Variants in LRRC2 observed in about 807,000 individuals in gnomAD.
The protein encoded by LRRC2 is leucine-rich repeat-containing protein 2.
A neutral mutation model predicts 40.2 loss-of-function variants in LRRC2; 27 were observed. The ratio of observed to expected loss-of-function variants is 0.67; its 90% CI spans 0.49 to 0.93. The LOEUF is 0.93. LRRC2 is among the 40% of genes least tolerant of loss of function. The pLI is 0.00. For missense variants in LRRC2, 402 were observed against 439.6 expected, an observed-to-expected ratio of 0.91 and a Z score of 0.76; for synonymous variants, 147 against 158.9, an observed-to-expected ratio of 0.92 and a Z score of 0.56.
At chr3:46,551,675 T>G (rs372469338) in intron 1 of LRRC2, 65 bp from the exon 2 acceptor site, 2 of 1,243,586 alleles carry the variant, frequency 1.6e-6, no homozygotes. Context: ...TAACATAAAC[T>G]TTAAAATGAA....
At position 46,526,056 on chromosome 3, in the gene LRRC2, G is replaced by A. The variant is rs1183992881; in HGVS notation, c.929+1370C>T. 9.9e-5 allele frequency among the ~76,000 whole-genome samples: 15 copies of A among 151,838 alleles called. No homozygotes were observed. In the South Asian group the frequency reaches 1.9e-3, roughly 19 times the overall value. On this transcript the variant is annotated intron_variant, in intron 7 of 8. Transcript: ENST00000395905. ...CAAATTCCGCCTCCCGGTTTCAAGC[G>A]ATTCTCCTGCCTCAGCCTCCTGAGT...
At chr3:46,523,894 G>T (rs779718244) in intron 7 of LRRC2, among the ~76,000 whole-genome samples, 38 of 152,090 alleles carry the variant, frequency 2.5e-4, no homozygotes, top group Non-Finnish European at 3.8e-4. Flanking sequence ...CATTTTTTTT[G>T]ATGTATCTCA....
chr3:46,540,709 C>G (rs1704368191), intron 3 of LRRC2, among the ~76,000 whole-genome samples: 3 of 152,172 alleles, frequency 2.0e-5, no homozygotes, highest in Admixed American at 2.0e-4. Flanking sequence ...GAGCACAGAG[C>G]ATTAAACCAA....
In LRRC2 at chr3:46,529,932, A is replaced by G; in HGVS notation, c.746T>C (p.Leu249Pro). ...LQWLDISSNN[L>P]TDLPQDIDRL... is the part of the protein sequence containing the mutation. ...GTCTATATCTTGCGGCAGGTCGGTCAGGTTATTGCTGCTGATATCCAACCA... is the reference window on the plus strand; with the variant it reads ...GTCTATATCTTGCGGCAGGTCGGTCGGGTTATTGCTGCTGATATCCAACCA... Residue 249 changes from leucine (L) to proline (P), a missense_variant, in exon 6 of 9, where the codon CTG (leucine) becomes CCG (proline). Transcript: ENST00000395905. The G allele has an allele frequency of 1.2e-6, 2 of 1,614,110 alleles. No homozygotes were observed. Among genetic ancestry groups the G allele is most frequent in the Non-Finnish European group, 8.5e-7 (1 of 1,180,018 alleles).
At chr3:46,529,682 A>G (rs559389809) in intron 6 of LRRC2, among the ~76,000 whole-genome samples, 2 of 152,238 alleles carry the variant, frequency 1.3e-5, no homozygotes, top group African/African-American at 2.4e-5. Flanking sequence ...TCATCAGGAC[A>G]ATGAAGAGGT....
In LRRC2 at chr3:46,563,846, G is replaced by A. The variant is rs1705000794; in HGVS notation, c.-20+2331C>T. 3.3e-5 allele frequency among the ~76,000 whole-genome samples: 5 copies of A among 152,140 alleles called. No homozygotes were observed. The South Asian group carries it at 1.0e-3, about 32-fold the overall frequency. ...ACTGGTGGGGCCTCTCCATCACCTT[G>A]TCCAAGCCCCTGCAGACAGAGGTGT... On this transcript the variant is annotated intron_variant, in intron 1 of 8. Coordinates refer to ENST00000395905, the MANE Select transcript of LRRC2 (RefSeq NM_024512.5).
chr3:46,526,185 G>A (rs1281365418), intron 7 of LRRC2, among the ~76,000 whole-genome samples: 1 of 152,010 alleles, frequency 6.6e-6, no homozygotes, highest in Admixed American at 6.6e-5. Flanking sequence ...AACTTCTACA[G>A]GTTATTTCTA....
chr3:46,538,080 G>A (rs577615301), intron 4 of LRRC2, among the ~76,000 whole-genome samples: 6 of 152,284 alleles, frequency 3.9e-5, no homozygotes, highest in African/African-American at 1.4e-4. Flanking sequence ...TTGTAGTCTT[G>A]ACACAGCCAG....
chr3:46,533,701 GT>G (rs1163715292), intron 4 of LRRC2, among the ~76,000 whole-genome samples: 2 of 113,356 alleles, frequency 1.8e-5, no homozygotes, highest in African/African-American at 6.9e-5. Flanking sequence ...GGTATTCACA[GT>G]TTCCTTCCTT....
intron 4 of LRRC2, among the ~76,000 whole-genome samples, chr3:46,538,838 G>C (rs1372635289): frequency 6.6e-6 from 1 of 152,188 alleles, no homozygotes; most frequent in Non-Finnish European, 1.5e-5. Context: ...TGTCCTGTGT[G>C]CTGAGTTATA....
At position 46,516,123 on chromosome 3, in the gene LRRC2, A is replaced by C. The variant is rs1393378665; in HGVS notation, c.*2891T>G. 4 of 151,552 alleles carry C rather than the reference A, an allele frequency of 2.6e-5. No individual in the cohort carries two copies. Among genetic ancestry groups the C allele is most frequent in the African/African-American group, 9.7e-5 (4 of 41,158 alleles). 9.4% of individuals were successfully genotyped at this position (151,552 alleles called of 1,614,324 possible). A position where few individuals can be genotyped will look rare whatever the true frequency, so the allele number is the denominator to read the frequency against. ...TACGGGTGCCCACCACGCCCGGCTA[A>C]TTTTTTGCATTTTTAATAGAGACAG... On this transcript the variant is annotated 3_prime_UTR_variant, in exon 9 of 9. Transcript: ENST00000395905.
intron 1 of LRRC2, among the ~76,000 whole-genome samples, chr3:46,561,665 T>C (rs1704946535): frequency 6.6e-6 from 1 of 152,138 alleles, no homozygotes; most frequent in African/African-American, 2.4e-5. Flanking sequence ...CCTCCCGTCA[T>C]CACAAGTTGG....
At chr3:46,521,804 G>T (rs1015922764) in intron 7 of LRRC2, 146 bp from the exon 8 acceptor site, 6 of 721,358 alleles carry the variant, frequency 8.3e-6, no homozygotes, top group Non-Finnish European at 1.3e-5. Flanking sequence ...CATCACCAGT[G>T]GAATTCCAGT....
chr3:46,520,864 T>C (rs1163005109), intron 8 of LRRC2, among the ~76,000 whole-genome samples: 1 of 152,236 alleles, frequency 6.6e-6, no homozygotes, highest in African/African-American at 2.4e-5. Context: ...GACTGATGTA[T>C]GCCTTTTTCC....
rs373979374 is a variant in LRRC2, at chr3:46,533,817, T to TTC, written c.491-909_491-908insGA. Among the ~76,000 whole-genome samples the TTC allele has an allele frequency of 4.2e-5, 5 of 117,708 alleles. 1 individual carries two copies. The South Asian group carries it at 9.2e-4, about 22-fold the overall frequency. The allele number at this position is 117,708 out of a possible 152,430, so 77.2% of individuals were successfully genotyped here. A position where few individuals can be genotyped will look rare whatever the true frequency, so the allele number is the denominator to read the frequency against. ...TTTCTTTGTTTCTTTCTTTCTTTCT[T>TTC]TTTCTTTCTCTCTCTGCCTGTCTTT... On this transcript the variant is annotated intron_variant, in intron 4 of 8. Transcript: ENST00000395905.
chr3:46,564,203 C>A (rs1705010609), intron 1 of LRRC2, among the ~76,000 whole-genome samples: 1 of 151,748 alleles, frequency 6.6e-6, no homozygotes, highest in Non-Finnish European at 1.5e-5. Context: ...TTGGGAGAGT[C>A]CTGCAGGGAC....
rs765086369 is a variant in LRRC2, at chr3:46,539,144, T to G, written c.391A>C (p.Thr131Pro). Residue 131 changes from threonine to proline, a missense_variant, in exon 4 of 9, where the codon ACC becomes CCC. Coordinates refer to ENST00000395905, the MANE Select transcript of LRRC2 (RefSeq NM_024512.5). Reference sequence around the variant, plus strand: ...TATGTAGGAATGATTTGAATCAAGGTATTGCTTATGTACCATTCTCTCAGG... The same window carrying G: ...TATGTAGGAATGATTTGAATCAAGGGATTGCTTATGTACCATTCTCTCAGG... The part of the protein sequence containing the change: ...THLREWYISN[T>P]LIQIIPTYIQ... 16 of 1,613,868 alleles carry G rather than the reference T, an allele frequency of 9.9e-6. No individual in the cohort carries two copies. The highest frequency in any genetic ancestry group is 1.3e-5 in the African/African-American group (1 of 74,922).
Position 46,533,977 on chromosome 3 carries a change from G to T in LRRC2, c.491-1068C>A, listed in dbSNP as rs376292440. On this transcript the variant is annotated intron_variant, in intron 4 of 8. Transcript: ENST00000395905. ...GCAGAACATGCAGGTTTCTTATATCGGTATACGTGTGCCATGGTGGTTTGC... is the reference window on the plus strand; with the variant it reads ...GCAGAACATGCAGGTTTCTTATATCTGTATACGTGTGCCATGGTGGTTTGC... Among the ~76,000 whole-genome samples the T allele has an allele frequency of 5.1e-4, 76 of 147,590 alleles. 1 individual carries two copies. The highest frequency in any genetic ancestry group is 1.1e-3 in the African/African-American group (43 of 39,842).
intron 1 of LRRC2, among the ~76,000 whole-genome samples, chr3:46,559,874 G>A (rs1704896905): frequency 6.6e-6 from 1 of 152,186 alleles, no homozygotes; most frequent in Admixed American, 6.5e-5. Context: ...AGCAGGAAAA[G>A]AAGTTCTCTT....
Sources: gnomAD v4.1 joint callset for allele counts (sites outside exome capture counted in the v4.1 genomes callset) on GRCh38, gnomAD v4.1.1 for gene constraint, MANE v1.5 for transcripts, NCBI Gene and HGNC (gene_info 2026-07-23, HGNC 2026-07-21) for gene names.